Variants in KANK1 observed in about 807,000 individuals in gnomAD.
The protein encoded by KANK1 is KN motif and ankyrin repeat domain-containing protein 1.
A neutral mutation model predicts 106.2 loss-of-function variants in KANK1; 109 were observed. The ratio of observed to expected loss-of-function variants is 1.03; its 90% CI spans 0.88 to 1.20. KANK1 has a LOEUF of 1.20. KANK1 is among the 50% of genes most tolerant of loss of function. KANK1 has a pLI of 0.00. For synonymous variants in KANK1, 873 were observed against 652.2 expected (o/e 1.34, Z -5.16); for missense variants, 2,399 against 1,710.7 (o/e 1.40, Z -7.10).
chr9:742,454 G>C (rs1835894348), intron 10 of KANK1, 49 bp downstream of exon 10: 1 of 1,480,934 alleles, frequency 6.8e-7, no homozygotes. Context: ...GGGGACTCTG[G>C]ACGGGAGCTC....
chr9:635,965 G>T (rs180687230), intron 1 of KANK1, among the ~76,000 whole-genome samples: 3 of 152,074 alleles, frequency 2.0e-5, no homozygotes, highest in Non-Finnish European at 2.9e-5. Context: ...GTGAGCCACC[G>T]TGCCTGGCTT....
At chr9:565,206 A>G (rs1014410879) in intron 1 of KANK1, among the ~76,000 whole-genome samples, 2 of 152,236 alleles carry the variant, frequency 1.3e-5, no homozygotes, top group African/African-American at 2.4e-5. Flanking sequence ...TATTCCTGTT[A>G]AGATCTTTCC....
chr9:635,393 C>A (rs1347194179), intron 1 of KANK1, among the ~76,000 whole-genome samples: 1 of 152,154 alleles, frequency 6.6e-6, no homozygotes, highest in Non-Finnish European at 1.5e-5. Flanking sequence ...TCCTTTGGGG[C>A]ATGCCTGCGC....
chr9:529,736 A>G (rs1011575183), intron 1 of KANK1, among the ~76,000 whole-genome samples: 88 of 152,342 alleles, frequency 5.8e-4, no homozygotes, highest in African/African-American at 2.0e-3. Flanking sequence ...ACATCCAACA[A>G]TGCTGCAAGG....
intron 3 of KANK1, among the ~76,000 whole-genome samples, chr9:723,772 C>T (rs1295512186): frequency 6.6e-6 from 1 of 151,976 alleles, no homozygotes; most frequent in African/African-American, 2.4e-5. Context: ...AATTCTGATG[C>T]AAACACCCTA....
Position 732,429 on chromosome 9 carries a change from C to G in KANK1, c.3057C>G (p.Ser1019=). The change falls in exon 6 of 12, where the codon TCC becomes TCG. Residue 1019 remains serine, a synonymous_variant. Coordinates refer to ENST00000382297, the MANE Select transcript of KANK1 (RefSeq NM_015158.5). The part of the protein sequence containing the change: ...DDSSSDESSS[S]ESDDECDVIE... ...CCAGCTCAGATGAAAGCTCTTCTTC[C>G]GAGTCAGATGACGAGTGTGATGTCA... 2.5e-6 allele frequency: 4 copies of G among 1,614,024 alleles called. No homozygotes were observed. Among genetic ancestry groups the G allele is most frequent in the Non-Finnish European group, 3.4e-6 (4 of 1,179,984 alleles).
At chr9:708,426 C>G (rs539392769) in intron 2 of KANK1, among the ~76,000 whole-genome samples, 2 of 152,368 alleles carry the variant, frequency 1.3e-5, no homozygotes, top group South Asian at 4.1e-4. Flanking sequence ...CCCTCCCATT[C>G]TTAGGCTAGA....
chr9:664,857 A>G (rs7049049), intron 1 of KANK1, among the ~76,000 whole-genome samples: 79,875 of 152,082 alleles, frequency 0.53, 21,591 homozygotes, highest in East Asian at 0.66. Context: ...CTTTTTTGAT[A>G]AAAGCTATTC....
intron 1 of KANK1, among the ~76,000 whole-genome samples, chr9:605,563 A>G (rs1828895421): frequency 1.3e-5 from 2 of 151,700 alleles, no homozygotes; most frequent in Admixed American, 1.3e-4. Flanking sequence ...GGGGTAAGAG[A>G]GCGTTAAACA....
At chr9:513,643 A>AT (rs1471243534) in intron 1 of KANK1, among the ~76,000 whole-genome samples, 3 of 152,176 alleles carry the variant, frequency 2.0e-5, no homozygotes, top group African/African-American at 4.8e-5. Flanking sequence ...AAGAATGTAA[A>AT]TTTGTGTTTG....
intron 1 of KANK1, among the ~76,000 whole-genome samples, chr9:550,170 G>T (rs2061187481): frequency 7.0e-6 from 1 of 141,966 alleles, no homozygotes; most frequent in African/African-American, 2.5e-5. Flanking sequence ...TAAATAAGCA[G>T]ACAGTCTGTG....
intron 1 of KANK1, among the ~76,000 whole-genome samples, chr9:586,818 T>A (rs189169803): frequency 1.4e-4 from 22 of 152,284 alleles, no homozygotes; most frequent in Non-Finnish European, 2.6e-4. Context: ...CAAAAGGGAC[T>A]CTTTGCATGA....
Position 738,467 on chromosome 9 carries a change from C to T in KANK1, c.3516C>T (p.His1172=), listed in dbSNP as rs1834394234. The T allele has an allele frequency of 1.2e-6, 2 of 1,614,064 alleles. No individual in the cohort carries two copies. Among genetic ancestry groups the T allele is most frequent in the African/African-American group, 2.7e-5 (2 of 74,916 alleles). The change falls in exon 8 of 12, where the codon CAC becomes CAT. Residue 1172 remains histidine (H), a synonymous_variant. Transcript: ENST00000382297. ...CAGCCCTCCATTACAGCGTGTCCCACTCCAACTTCGAGATTGTGAAGCTGC... is the reference window on the plus strand; with the variant it reads ...CAGCCCTCCATTACAGCGTGTCCCATTCCAACTTCGAGATTGTGAAGCTGC... ...GNTALHYSVS[H]SNFEIVKLLL...
chr9:595,042 A>G (rs995078012), intron 1 of KANK1, among the ~76,000 whole-genome samples: 2 of 151,980 alleles, frequency 1.3e-5, no homozygotes, highest in African/African-American at 4.9e-5. Flanking sequence ...AATTTTTAGA[A>G]AAGTTGCCTT....
At chr9:668,299 C>T (rs891389883) in intron 1 of KANK1, among the ~76,000 whole-genome samples, 1 of 152,080 alleles carries the variant, frequency 6.6e-6, no homozygotes, top group Non-Finnish European at 1.5e-5. Flanking sequence ...ATGATCTGTT[C>T]ATTGGTGAAA....
At chr9:631,600 C>A (rs1036655216) in intron 1 of KANK1, among the ~76,000 whole-genome samples, 1 of 152,208 alleles carries the variant, frequency 6.6e-6, no homozygotes, top group African/African-American at 2.4e-5. Context: ...TCAGCCAGAG[C>A]AGTAGTTACT....
intron 1 of KANK1, among the ~76,000 whole-genome samples, chr9:505,459 C>G (rs1424404733): frequency 6.6e-6 from 1 of 152,240 alleles, no homozygotes. Flanking sequence ...TGTAGGGGCC[C>G]TGAAGCGGGC....
At chr9:509,846 G>C (rs1229635692) in intron 1 of KANK1, among the ~76,000 whole-genome samples, 2 of 152,108 alleles carry the variant, frequency 1.3e-5, no homozygotes, top group Non-Finnish European at 2.9e-5. Context: ...ACCCAGGCTG[G>C]AGTGCAGTGA....
intron 2 of KANK1, chr9:707,009 A>C: frequency 1.0e-6 from 1 of 985,488 alleles, no homozygotes; most frequent in Non-Finnish European, 1.2e-6. Context: ...TTTCATTAAG[A>C]AAACAGGGAA....
Sources: allele counts gnomAD v4.1 joint callset (sites outside exome capture counted in the v4.1 genomes callset), GRCh38; gene constraint gnomAD v4.1.1; transcripts MANE v1.5; gene names NCBI Gene and HGNC (gene_info 2026-07-23, HGNC 2026-07-21).